The following VWA8 variants were observed in gnomAD, a reference collection of about 807,000 sequenced individuals.
VWA8 encodes the protein von Willebrand factor A domain-containing protein 8.
In VWA8, 221 loss-of-function variants were observed where a neutral mutation model predicts 241.5. The observed-to-expected ratio is 0.91, with a 90% confidence interval of 0.82 to 1.02. The LOEUF (loss-of-function observed/expected upper bound fraction) is 1.02, where lower values mean the gene tolerates loss of function less well. Ranked by LOEUF, VWA8 falls within the 50% of genes least tolerant of loss-of-function variation. The pLI is 0.00. For missense variants in VWA8, 2,322 were observed against 2,328.7 expected, an observed-to-expected ratio of 1.00 and a Z score of 0.06; for synonymous variants, 852 against 827.1, an observed-to-expected ratio of 1.03 and a Z score of -0.52.
intron 26 of VWA8, among the ~76,000 whole-genome samples, chr13:41,704,215 A>G (rs1053018636): frequency 3.9e-5 from 6 of 152,202 alleles, no homozygotes; most frequent in Non-Finnish European, 7.3e-5. Flanking sequence ...AAATGTCCAC[A>G]TAAATGTCAG....
intron 2 of VWA8, among the ~76,000 whole-genome samples, chr13:41,944,855 C>T (rs1593888271): frequency 6.6e-6 from 1 of 152,194 alleles, no homozygotes; most frequent in East Asian, 1.9e-4. Flanking sequence ...TTTAACATCA[C>T]AGCTGCCTGA....
At chr13:41,639,075 G>C (rs2044778087) in intron 37 of VWA8, among the ~76,000 whole-genome samples, 2 of 152,032 alleles carry the variant, frequency 1.3e-5, no homozygotes, top group South Asian at 4.1e-4. Context: ...AATATTGTCT[G>C]AGAATGTAGG....
chr13:41,689,656 G>T, intron 33 of VWA8, 148 bp from the exon 34 acceptor site: 1 of 829,354 alleles, frequency 1.2e-6, no homozygotes, highest in Non-Finnish European at 1.7e-6. Flanking sequence ...GCTTTTGTTT[G>T]AAAAAATGCT....
chr13:41,722,002 C>T (rs1295998258), intron 24 of VWA8, among the ~76,000 whole-genome samples: 1 of 151,962 alleles, frequency 6.6e-6, no homozygotes, highest in Non-Finnish European at 1.5e-5. Context: ...TAATTTATTC[C>T]TTTTCTATTA....
chr13:41,725,324 G>A (rs1441600652), intron 24 of VWA8, among the ~76,000 whole-genome samples: 1 of 152,114 alleles, frequency 6.6e-6, no homozygotes, highest in African/African-American at 2.4e-5. Context: ...AGTAGAGGGA[G>A]TAACTGGAAA....
chr13:41,651,298 A>G (rs1288366565), intron 37 of VWA8, among the ~76,000 whole-genome samples: 4 of 152,218 alleles, frequency 2.6e-5, no homozygotes, highest in African/African-American at 9.6e-5. Flanking sequence ...CAGGAATAGC[A>G]TTGTATCTGT....
At chr13:41,829,110 T>A (rs1473988330) in intron 14 of VWA8, among the ~76,000 whole-genome samples, 1 of 152,154 alleles carries the variant, frequency 6.6e-6, no homozygotes, top group African/African-American at 2.4e-5. Context: ...AGAGGAAAGA[T>A]TACCTTCTTA....
At chr13:41,854,743 C>CA (rs1456498445) in intron 12 of VWA8, among the ~76,000 whole-genome samples, 3 of 151,914 alleles carry the variant, frequency 2.0e-5, no homozygotes, top group African/African-American at 7.3e-5. Flanking sequence ...TGATAAGTGC[C>CA]ATGAAAAAGG....
intron 32 of VWA8, among the ~76,000 whole-genome samples, chr13:41,690,782 C>T (rs746534887): frequency 6.6e-6 from 1 of 152,120 alleles, no homozygotes; most frequent in Non-Finnish European, 1.5e-5. Flanking sequence ...CTGCACTTAG[C>T]TAGTGGAGTT....
intron 35 of VWA8, among the ~76,000 whole-genome samples, chr13:41,680,067 T>C (rs866978951): frequency 1.3e-5 from 2 of 152,038 alleles, no homozygotes; most frequent in South Asian, 2.1e-4. Context: ...ATTCATATAA[T>C]TTTGCTTGGA....
intron 20 of VWA8, among the ~76,000 whole-genome samples, chr13:41,777,364 T>A (rs1868653520): frequency 6.6e-6 from 1 of 152,226 alleles, no homozygotes; most frequent in Admixed American, 6.5e-5. Context: ...GGACAGGAAG[T>A]TCTCCCTGCA....
At chr13:41,863,433 G>GTGTATA (rs1381680626) in intron 12 of VWA8, among the ~76,000 whole-genome samples, 46 of 69,822 alleles carry the variant, frequency 6.6e-4, no homozygotes, top group Admixed American at 1.5e-3. Flanking sequence ...GTGTGTGTGT[G>GTGTATA]TATATATATA....
intron 21 of VWA8, among the ~76,000 whole-genome samples, chr13:41,747,734 T>A (rs574018336): frequency 1.3e-5 from 2 of 152,310 alleles, no homozygotes; most frequent in East Asian, 3.9e-4. Flanking sequence ...GGCTGCGGGT[T>A]TGTCATAAAT....
intron 3 of VWA8, among the ~76,000 whole-genome samples, chr13:41,911,318 C>G (rs1875988540): frequency 6.6e-6 from 1 of 152,160 alleles, no homozygotes; most frequent in Non-Finnish European, 1.5e-5. Flanking sequence ...CCCACCTCAG[C>G]CTCCCAAAGG....
At chr13:41,616,758 A>T (rs1228823369) in intron 37 of VWA8, among the ~76,000 whole-genome samples, 1 of 152,168 alleles carries the variant, frequency 6.6e-6, no homozygotes. Context: ...CTGAATTTTA[A>T]ATTTTATTTA....
At chr13:41,618,887 T>C (rs2044638961) in intron 37 of VWA8, among the ~76,000 whole-genome samples, 1 of 152,236 alleles carries the variant, frequency 6.6e-6, no homozygotes, top group Admixed American at 6.5e-5. Flanking sequence ...CCTTGTAGTA[T>C]AGTTTGAAGT....
chr13:41,579,062 C>T (rs566794987), intron 42 of VWA8, among the ~76,000 whole-genome samples: 6 of 152,274 alleles, frequency 3.9e-5, no homozygotes, highest in African/African-American at 1.4e-4. Context: ...GGACAAAGTG[C>T]TATTAGCAAT....
intron 12 of VWA8, among the ~76,000 whole-genome samples, chr13:41,841,798 A>T (rs1365557335): frequency 2.9e-4 from 12 of 40,688 alleles, no homozygotes; most frequent in African/African-American, 1.1e-3. Context: ...AAAAAAAAAA[A>T]AAAAAAAAAA....
chr13:41,712,248 C>T (rs76303530), intron 26 of VWA8, among the ~76,000 whole-genome samples: 4,513 of 152,104 alleles, frequency 0.03, 77 homozygotes, highest in Middle Eastern at 0.061. Flanking sequence ...GAAAACAGTA[C>T]TTGAAATGAC....
Sources: allele counts gnomAD v4.1 joint callset (sites outside exome capture counted in the v4.1 genomes callset), GRCh38; gene constraint gnomAD v4.1.1; transcripts MANE v1.5; gene names NCBI Gene and HGNC (gene_info 2026-07-23, HGNC 2026-07-21).